The following LCMT1 variants were observed in gnomAD, a reference collection of about 807,000 sequenced individuals.
LCMT1 encodes [Phosphatase 2A protein]-leucine-carboxy methyltransferase 1.
A neutral mutation model predicts 47.7 loss-of-function variants in LCMT1; 32 were observed. The observed-to-expected ratio is 0.67, with a 90% CI of 0.51 to 0.90. LCMT1 has a LOEUF of 0.90. Ranked by LOEUF, LCMT1 falls within the 40% of genes least tolerant of loss-of-function variation. The probability of loss-of-function intolerance (pLI) is 0.00; values close to 1 mark genes in which losing one functional copy is unlikely to be tolerated. For missense variants in LCMT1, 375 were observed against 415.2 expected, an observed-to-expected ratio of 0.90 and a Z score of 0.84; for synonymous variants, 152 against 149.7, an observed-to-expected ratio of 1.02 and a Z score of -0.11.
intron 7 of LCMT1, among the ~76,000 whole-genome samples, chr16:25,167,904 G>A (rs1961633298): frequency 6.6e-6 from 1 of 151,936 alleles, no homozygotes; most frequent in South Asian, 2.1e-4. Flanking sequence ...GGGATTACAG[G>A]CGTGTGCCAC....
At chr16:25,169,322 AGCAGC>A in intron 8 of LCMT1, 109 bp downstream of exon 8, 3 of 724,744 alleles carry the variant, frequency 4.1e-6, no homozygotes, top group Non-Finnish European at 7.2e-6. Flanking sequence ...AGTGCCTGTC[AGCAGC>A]ACAGGCTGCT....
At chr16:25,141,224 T>G (rs1162906960) in intron 4 of LCMT1, 1 of 152,220 alleles carries the variant, frequency 6.6e-6, no homozygotes, top group Non-Finnish European at 1.5e-5. Context: ...AATGACCACT[T>G]AGGGTCCGAA....
chr16:25,147,855 C>T (rs1253789077), intron 4 of LCMT1: 3 of 152,166 alleles, frequency 2.0e-5, no homozygotes, highest in Non-Finnish European at 2.9e-5. Flanking sequence ...ACACCCGGCT[C>T]ATTTTTCCTG....
chr16:25,129,075 G>T (rs960156318), intron 2 of LCMT1, among the ~76,000 whole-genome samples: 1 of 150,286 alleles, frequency 6.7e-6, no homozygotes, highest in Admixed American at 6.7e-5. Context: ...AGAACATGCG[G>T]TGTTTGGTTT....
At chr16:25,174,383 G>A (rs1961865335) in intron 9 of LCMT1, among the ~76,000 whole-genome samples, 2 of 151,292 alleles carry the variant, frequency 1.3e-5, no homozygotes, top group African/African-American at 4.9e-5. Context: ...AGTTTCTTCT[G>A]TATTTTCCAA....
chr16:25,166,235 A>T (rs943854656), intron 7 of LCMT1, among the ~76,000 whole-genome samples: 3 of 146,314 alleles, frequency 2.1e-5, no homozygotes, highest in Non-Finnish European at 3.0e-5. Flanking sequence ...GCACCACTAC[A>T]CTCCAGCCTG....
chr16:25,112,187 C>T (rs1391068518), intron 1 of LCMT1, among the ~76,000 whole-genome samples, 191 bp downstream of exon 1: 2 of 152,238 alleles, frequency 1.3e-5, no homozygotes, highest in African/African-American at 4.8e-5. Flanking sequence ...TGAGCTTTTG[C>T]TGTGAGCCAG....
intron 4 of LCMT1, chr16:25,141,689 A>G (rs557912096): frequency 1.3e-5 from 2 of 152,324 alleles, no homozygotes; most frequent in South Asian, 2.1e-4. Flanking sequence ...AGTTTAGCCA[A>G]TCCTGAACTG....
chr16:25,176,696 G>GGATT (rs1441053983), intron 10 of LCMT1, among the ~76,000 whole-genome samples: 1 of 149,096 alleles, frequency 6.7e-6, no homozygotes, highest in African/African-American at 2.5e-5. Context: ...TGAGTAGCTG[G>GGATT]GATTACAGGC....
chr16:25,167,856 G>A (rs1437965471), intron 7 of LCMT1, among the ~76,000 whole-genome samples: 1 of 152,072 alleles, frequency 6.6e-6, no homozygotes, highest in Non-Finnish European at 1.5e-5. Flanking sequence ...CACCTCCCAG[G>A]TTCAAGAGAT....
At chr16:25,150,190 C>T (rs1961029368) in intron 4 of LCMT1, among the ~76,000 whole-genome samples, 1 of 150,408 alleles carries the variant, frequency 6.6e-6, no homozygotes, top group Non-Finnish European at 1.5e-5. Context: ...GAATTAAGTG[C>T]TGCTGTTATC....
intron 5 of LCMT1, among the ~76,000 whole-genome samples, chr16:25,154,904 A>C (rs1359453739): frequency 6.6e-6 from 1 of 151,774 alleles, no homozygotes; most frequent in Non-Finnish European, 1.5e-5. Context: ...CTGGTTCTTT[A>C]TAGTTTTTGA....
chr16:25,163,552 A>G (rs773844405), intron 6 of LCMT1, among the ~76,000 whole-genome samples: 4 of 152,204 alleles, frequency 2.6e-5, no homozygotes, highest in Non-Finnish European at 1.5e-5. Flanking sequence ...TCATTTAGCA[A>G]ATAATCGAGA....
At chr16:25,126,232 C>T in intron 1 of LCMT1, 1 of 1,142,420 alleles carries the variant, frequency 8.8e-7, no homozygotes. Context: ...CTGTGCACCA[C>T]TGTGACCACG....
chr16:25,138,593 A>G (rs910755250), intron 3 of LCMT1, among the ~76,000 whole-genome samples: 1 of 152,158 alleles, frequency 6.6e-6, no homozygotes, highest in African/African-American at 2.4e-5. Context: ...ACAAGAAGAA[A>G]TAAATGTTAC....
At chr16:25,118,753 G>A (rs1024938230) in intron 1 of LCMT1, among the ~76,000 whole-genome samples, 2 of 152,122 alleles carry the variant, frequency 1.3e-5, no homozygotes, top group Non-Finnish European at 2.9e-5. Flanking sequence ...GAGTAGAAAG[G>A]TCCTGAGGCA....
Position 25,154,962 on chromosome 16 carries a change from A to G in LCMT1, c.466+3347A>G, listed in dbSNP as rs73565012. Among the ~76,000 whole-genome samples the G allele has an allele frequency of 3.3e-3, 507 of 152,332 alleles. 2 individuals carry two copies. The highest frequency in any genetic ancestry group is 0.012 in the African/African-American group (488 of 41,570). The stretch of plus-strand genomic sequence containing the variant: ...GAATAAAAATGAAATAAAAATGTGA[A>G]TGAAAATTTGGGCGAACTGATACGT... On this transcript the variant is annotated intron_variant, in intron 5 of 10. Coordinates refer to ENST00000399069, the MANE Select transcript of LCMT1 (RefSeq NM_016309.3).
chr16:25,157,777 T>C (rs547208069), intron 5 of LCMT1, among the ~76,000 whole-genome samples: 3 of 152,206 alleles, frequency 2.0e-5, no homozygotes, highest in Non-Finnish European at 4.4e-5. Flanking sequence ...ATTTAATCAC[T>C]TGTGGTCATC....
At chr16:25,148,100 C>G (rs1248856718) in intron 4 of LCMT1, 1 of 152,288 alleles carries the variant, frequency 6.6e-6, no homozygotes, top group Non-Finnish European at 1.5e-5. Flanking sequence ...GCTCCCAGCC[C>G]CACACAGCAC....
Sources: gnomAD v4.1 joint callset for allele counts (sites outside exome capture counted in the v4.1 genomes callset) on GRCh38, gnomAD v4.1.1 for gene constraint, MANE v1.5 for transcripts, NCBI Gene and HGNC (gene_info 2026-07-23, HGNC 2026-07-21) for gene names.